TMEM67: variants seen among roughly 807,000 people sequenced by gnomAD.
TMEM67 encodes transmembrane protein 67.
In TMEM67, 124 loss-of-function variants were observed where a neutral mutation model predicts 136.6. The ratio of observed to expected loss-of-function variants is 0.91; its 90% CI spans 0.78 to 1.05. TMEM67 has a LOEUF of 1.05. TMEM67 is among the 50% of genes least tolerant of loss of function. The pLI, the probability that TMEM67 is intolerant of heterozygous loss-of-function variation, is 0.00. For missense variants in TMEM67, 1,107 were observed against 1,178.4 expected, an observed-to-expected ratio of 0.94 and a Z score of 0.89; for synonymous variants, 364 against 390.5, an observed-to-expected ratio of 0.93 and a Z score of 0.80.
At chr8:93,812,458 G>A (rs1326064448) in intron 26 of TMEM67, among the ~76,000 whole-genome samples, 1 of 152,146 alleles carries the variant, frequency 6.6e-6, no homozygotes, top group African/African-American at 2.4e-5. Context: ...CTACAGCCTG[G>A]GTGGCAGAGC....
At chr8:93,784,983 G>A (rs1814026455) in intron 11 of TMEM67, among the ~76,000 whole-genome samples, 2 of 152,078 alleles carry the variant, frequency 1.3e-5, no homozygotes, top group African/African-American at 4.8e-5. Context: ...TCTCAAAGCA[G>A]TACTTTACTG....
chr8:93,764,062 G>C, intron 4 of TMEM67, 121 bp downstream of exon 4: 1 of 744,672 alleles, frequency 1.3e-6, no homozygotes, highest in Admixed American at 2.1e-5. Flanking sequence ...AGGAAGGATA[G>C]AAGTAGACAT....
At chr8:93,829,203 C>T in the TMEM67 span, among the ~76,000 whole-genome samples, 2 of 152,166 alleles carry the variant, frequency 1.3e-5, no homozygotes, top group Non-Finnish European at 2.9e-5. Context: ...TCGCACTTTC[C>T]AGGAATGCCT....
rs1218699872 is a variant in TMEM67, at chr8:93,772,654, A to G, written c.714+3A>G. 3.1e-6 allele frequency: 5 copies of G among 1,608,640 alleles called. No individual in the cohort carries two copies. The highest frequency in any genetic ancestry group is 3.4e-6 in the Non-Finnish European group (4 of 1,176,440). ...AATCATCAGCAGCTGCATGTTGGGT[A>G]AGTTTGAATTTTTTAAATAAATTTC... On this transcript the variant is annotated splice_donor_region_variant and intron_variant, in intron 7 of 27. Coordinates refer to ENST00000453321, the MANE Select transcript of TMEM67 (RefSeq NM_153704.6).
Position 93,781,691 on chromosome 8 carries a change from G to C in TMEM67, c.1012G>C (p.Asp338His), listed in dbSNP as rs1331717410. 6.2e-7 allele frequency: 1 copy of C among 1,609,036 alleles called. No homozygotes were observed. Among genetic ancestry groups the C allele is most frequent in the Non-Finnish European group, 8.5e-7 (1 of 1,177,162 alleles). ...TKLKFVAASY[D>H]IRGNFLKWQT... ...ACTGAAGTTTGTTGCTGCTTCCTAT[G>C]ATATAAGAGGAAATTTTCTCAAGTG... The change falls in exon 10 of 28, where the codon GAT becomes CAT. Residue 338 changes from aspartate to histidine, a missense_variant. By Grantham distance (81) the Asp-to-His change is moderately conservative. Coordinates refer to ENST00000453321, the MANE Select transcript of TMEM67 (RefSeq NM_153704.6).
chr8:93,762,565 C>T (rs961145154), intron 3 of TMEM67, among the ~76,000 whole-genome samples: 5 of 152,090 alleles, frequency 3.3e-5, no homozygotes, highest in Admixed American at 1.3e-4. Flanking sequence ...CTTAAGCAAT[C>T]TACTGCACCC....
At chr8:93,765,857 G>A (rs112577955) in intron 6 of TMEM67, among the ~76,000 whole-genome samples, 14 of 152,206 alleles carry the variant, frequency 9.2e-5, no homozygotes, top group Middle Eastern at 3.4e-3. Context: ...TTTTCAGTGC[G>A]CTACAGAATG....
At chr8:93,823,405 T>A (rs1038625763), downstream of TMEM67, among the ~76,000 whole-genome samples, 6 of 143,624 alleles carry the variant, frequency 4.2e-5, no homozygotes, top group African/African-American at 8.0e-5. Flanking sequence ...AGGACCTGGA[T>A]TTTTTTTTTT....
intron 6 of TMEM67, among the ~76,000 whole-genome samples, chr8:93,771,443 C>G (rs551940503): frequency 1.7e-3 from 262 of 152,188 alleles, no homozygotes; most frequent in African/African-American, 6.1e-3. Flanking sequence ...TTTCTCTATA[C>G]CATGTTCCAG....
chr8:93,778,110 C>G (rs921605797), intron 7 of TMEM67, among the ~76,000 whole-genome samples: 23 of 152,176 alleles, frequency 1.5e-4, no homozygotes, highest in African/African-American at 5.5e-4. Context: ...TTATGTAATG[C>G]CCTTCTTTGT....
chr8:93,780,557 T>G lies in TMEM67; in HGVS notation c.715-36T>G, dbSNP rs201034745. 32 of 1,613,502 alleles carry G rather than the reference T, an allele frequency of 2.0e-5. No homozygotes were observed. The Admixed American group carries it at 2.5e-4, about 13-fold the overall frequency. On this transcript the variant is annotated intron_variant, in intron 7 of 27. Transcript: ENST00000453321. ...TCAACTTTTGCATAGACTGTTCAGG[T>G]TCATGTTACTTTTCTTTGCCATTGT... is the stretch of plus-strand genomic sequence containing the variant.
chr8:93,822,653 G>A (rs1002269392), downstream of TMEM67, among the ~76,000 whole-genome samples: 3 of 152,118 alleles, frequency 2.0e-5, no homozygotes, highest in Non-Finnish European at 4.4e-5. Flanking sequence ...AACTTCTGTC[G>A]TCTCTCCCTT....
At chr8:93,757,506 C>T (rs1330092591) in intron 2 of TMEM67, among the ~76,000 whole-genome samples, 2 of 151,710 alleles carry the variant, frequency 1.3e-5, no homozygotes, top group East Asian at 2.0e-4. Flanking sequence ...CGTGGTGGCA[C>T]GTGCCTGTAG....
Position 93,816,524 on chromosome 8 carries a change from G to C in TMEM67, c.*72G>C. 1.2e-6 allele frequency: 1 copy of C among 834,472 alleles called. No homozygotes were observed. The highest frequency in any genetic ancestry group is 2.0e-6 in the Non-Finnish European group (1 of 497,848). 51.7% of individuals were successfully genotyped at this position (834,472 alleles called of 1,614,324 possible). A position where few individuals can be genotyped will look rare whatever the true frequency, so the allele number is the denominator to read the frequency against. ...AAAAGTCATGATATCAGGTTAGTTTGCCATATTTTTTAAAACTTATAATGC... is the reference window on the plus strand; with the variant it reads ...AAAAGTCATGATATCAGGTTAGTTTCCCATATTTTTTAAAACTTATAATGC... On this transcript the variant is annotated 3_prime_UTR_variant, in exon 28 of 28. Coordinates refer to ENST00000453321, the MANE Select transcript of TMEM67 (RefSeq NM_153704.6).
intron 12 of TMEM67, 91 bp from the exon 13 acceptor site, chr8:93,786,132 A>G (rs773878033): frequency 7.9e-7 from 1 of 1,271,972 alleles, no homozygotes; most frequent in Non-Finnish European, 1.1e-6. Flanking sequence ...GGTGTTTCTT[A>G]TACTAGTAGC....
chr8:93,766,444 G>A (rs1331802633), intron 6 of TMEM67, among the ~76,000 whole-genome samples: 1 of 152,140 alleles, frequency 6.6e-6, no homozygotes, highest in Admixed American at 6.6e-5. Flanking sequence ...GTGGATGAGA[G>A]CATTGAGGCC....
In TMEM67 at chr8:93,803,468, CTT is replaced by C. The variant is rs975012534; in HGVS notation, c.2242-134_2242-133del. The C allele has an allele frequency of 1.3e-5, 8 of 593,326 alleles. No homozygotes were observed. In the Admixed American group the frequency reaches 2.2e-4, roughly 16 times the overall value. The allele number at this position is 593,326 out of a possible 1,614,324, so 36.8% of individuals were successfully genotyped here. A position where few individuals can be genotyped will look rare whatever the true frequency, so the allele number is the denominator to read the frequency against. On this transcript the variant is annotated intron_variant, in intron 21 of 27. Transcript: ENST00000453321. Reference sequence around the variant, plus strand: ...GAAGAGTCAGAAATGACAAGTAGGACTTTATCACATAGGAACTGTTAAAGGCC... The same window carrying C: ...GAAGAGTCAGAAATGACAAGTAGGACTATCACATAGGAACTGTTAAAGGCC...
chr8:93,805,466 C>G (rs1032316288), intron 23 of TMEM67, among the ~76,000 whole-genome samples: 2 of 152,036 alleles, frequency 1.3e-5, no homozygotes, highest in African/African-American at 4.8e-5. Context: ...CGCCTGTAGT[C>G]CCAGCTACTT....
intron 11 of TMEM67, among the ~76,000 whole-genome samples, 159 bp from the exon 12 acceptor site, chr8:93,785,063 A>T (rs1419699942): frequency 6.6e-6 from 1 of 152,200 alleles, no homozygotes; most frequent in African/African-American, 2.4e-5. Context: ...AATGCATATA[A>T]ACAAGGTAGT....
Sources: allele counts gnomAD v4.1 joint callset (sites outside exome capture counted in the v4.1 genomes callset), GRCh38; gene constraint gnomAD v4.1.1; transcripts MANE v1.5; gene names NCBI Gene and HGNC (gene_info 2026-07-23, HGNC 2026-07-21).